Variants in GLIS1 observed in about 807,000 individuals in gnomAD.
GLIS1 encodes GLIS family zinc finger 1.
In GLIS1, 24 loss-of-function variants were observed where a neutral mutation model predicts 63.8. The observed-to-expected ratio is 0.38, with a 90% CI of 0.27 to 0.53. The LOEUF (loss-of-function observed/expected upper bound fraction) is 0.53. Ranked by LOEUF, GLIS1 falls within the 20% of genes least tolerant of loss-of-function variation. The pLI is 0.85. For synonymous variants in GLIS1, 450 were observed against 482.5 expected (o/e 0.93, Z 0.88); for missense variants, 1,036 against 1,074.1 (o/e 0.96, Z 0.50).
chr1:53,563,163 G>A (rs748682413), intron 4 of GLIS1, among the ~76,000 whole-genome samples: 6 of 152,258 alleles, frequency 3.9e-5, no homozygotes, highest in Non-Finnish European at 7.3e-5. Flanking sequence ...CCTCCAGTGT[G>A]TCCAGAGACA....
At chr1:53,590,446 G>A (rs1645178371) in intron 4 of GLIS1, among the ~76,000 whole-genome samples, 1 of 152,134 alleles carries the variant, frequency 6.6e-6, no homozygotes, top group Non-Finnish European at 1.5e-5. Flanking sequence ...CCAAGGTAGA[G>A]AAGGGCATTG....
At chr1:53,532,371 T>C (rs575683880) in intron 4 of GLIS1, among the ~76,000 whole-genome samples, 1 of 152,152 alleles carries the variant, frequency 6.6e-6, no homozygotes, top group African/African-American at 2.4e-5. Context: ...CGAGAGACAA[T>C]GATGGTTCCG....
intron 2 of GLIS1, among the ~76,000 whole-genome samples, chr1:53,614,428 C>A (rs915456462): frequency 6.6e-6 from 1 of 151,930 alleles, no homozygotes; most frequent in African/African-American, 2.4e-5. Flanking sequence ...CGTTCCAGGG[C>A]GGGAACACAG....
Position 53,594,804 on chromosome 1 carries a change from G to A in GLIS1, c.624C>T (p.Thr208=). Residue 208 remains threonine, a synonymous_variant, in exon 4 of 11, where the codon ACC becomes ACT. Coordinates refer to ENST00000628545, the MANE Select transcript of GLIS1 (RefSeq NM_001367484.1). ...DLDLPGRSLA[T]PAPSCYLLGS... Reference sequence around the variant, plus strand: ...CCAGAAGGTAGCAGGAAGGCGCAGGGGTGGCGAGGCTTCGGCCCGGGAGGT... The same window carrying A: ...CCAGAAGGTAGCAGGAAGGCGCAGGAGTGGCGAGGCTTCGGCCCGGGAGGT... 1.2e-6 allele frequency: 2 copies of A among 1,607,420 alleles called. No individual in the cohort carries two copies. The highest frequency in any genetic ancestry group is 8.5e-7 in the Non-Finnish European group (1 of 1,177,430).
chr1:53,550,421 G>T (rs1396466895), intron 4 of GLIS1, among the ~76,000 whole-genome samples: 1 of 152,232 alleles, frequency 6.6e-6, no homozygotes, highest in African/African-American at 2.4e-5. Flanking sequence ...GGTTAGACAT[G>T]ACAGTGCGTA....
intron 4 of GLIS1, among the ~76,000 whole-genome samples, chr1:53,538,611 GC>G (rs1644606404): frequency 6.6e-6 from 1 of 152,164 alleles, no homozygotes; most frequent in African/African-American, 2.4e-5. Flanking sequence ...TTCATAAGCA[GC>G]TGGCAGGCCA....
chr1:53,628,852 CG>C (rs1453671011), intron 2 of GLIS1, among the ~76,000 whole-genome samples: 1 of 152,092 alleles, frequency 6.6e-6, no homozygotes, highest in Admixed American at 6.5e-5. Flanking sequence ...GGGTGGCCAT[CG>C]GGGAAGGCTC....
chr1:53,584,046 C>T (rs184183256), intron 4 of GLIS1, among the ~76,000 whole-genome samples: 4 of 152,254 alleles, frequency 2.6e-5, no homozygotes, highest in South Asian at 4.2e-4. Flanking sequence ...GTGCATGGTC[C>T]GAGGCCGGTG....
At chr1:53,709,837 G>A (rs1385728436) in intron 2 of GLIS1, among the ~76,000 whole-genome samples, 1 of 152,204 alleles carries the variant, frequency 6.6e-6, no homozygotes, top group African/African-American at 2.4e-5. Context: ...AGATATGGAT[G>A]TTCACACAGA....
intron 4 of GLIS1, among the ~76,000 whole-genome samples, chr1:53,543,569 A>C (rs1293426250): frequency 6.6e-6 from 1 of 152,166 alleles, no homozygotes; most frequent in African/African-American, 2.4e-5. Flanking sequence ...TGGTCTATTG[A>C]TTTAGGAAAC....
At chr1:53,695,458 C>T (rs1646455077) in intron 2 of GLIS1, among the ~76,000 whole-genome samples, 1 of 152,232 alleles carries the variant, frequency 6.6e-6, no homozygotes. Context: ...ACTACGGCAG[C>T]GACTTGTCTG....
chr1:53,688,541 C>G (rs1224360899), intron 2 of GLIS1, among the ~76,000 whole-genome samples: 1 of 152,160 alleles, frequency 6.6e-6, no homozygotes, highest in African/African-American at 2.4e-5. Context: ...CCTGGTCTCC[C>G]GACTGGGAAC....
chr1:53,569,371 T>C (rs955387173), intron 4 of GLIS1, among the ~76,000 whole-genome samples: 3 of 152,196 alleles, frequency 2.0e-5, no homozygotes, highest in Admixed American at 6.5e-5. Flanking sequence ...GAGATGTTGA[T>C]AGCAGGGGAG....
chr1:53,725,277 A>G (rs1646794337), intron 2 of GLIS1, among the ~76,000 whole-genome samples: 1 of 152,192 alleles, frequency 6.6e-6, no homozygotes, highest in South Asian at 2.1e-4. Context: ...CTCTGTGTCC[A>G]CCAGTGTCCT....
intron 2 of GLIS1, among the ~76,000 whole-genome samples, chr1:53,666,051 A>G (rs958471654): frequency 6.6e-6 from 1 of 152,216 alleles, no homozygotes; most frequent in Non-Finnish European, 1.5e-5. Context: ...AGTGGGAGGT[A>G]GGAAGCATCA....
At chr1:53,518,052 C>G (rs1268798246) in intron 7 of GLIS1, among the ~76,000 whole-genome samples, 1 of 152,250 alleles carries the variant, frequency 6.6e-6, no homozygotes, top group Admixed American at 6.5e-5. Flanking sequence ...AGCGCTTAAC[C>G]TCTGGCCCTA....
At chr1:53,710,327 G>C (rs112918490) in intron 2 of GLIS1, among the ~76,000 whole-genome samples, 1 of 152,382 alleles carries the variant, frequency 6.6e-6, no homozygotes, top group East Asian at 1.9e-4. Context: ...ATAGCGTGGA[G>C]CCCCTGGGGG....
intron 2 of GLIS1, among the ~76,000 whole-genome samples, chr1:53,689,128 AG>A (rs1646373838): frequency 6.6e-6 from 1 of 152,246 alleles, no homozygotes; most frequent in African/African-American, 2.4e-5. Context: ...GCAGGTGAAG[AG>A]ACCAGCCCAA....
At chr1:53,544,111 AG>A (rs1351179460) in intron 4 of GLIS1, among the ~76,000 whole-genome samples, 1 of 152,252 alleles carries the variant, frequency 6.6e-6, no homozygotes, top group Non-Finnish European at 1.5e-5. Flanking sequence ...GCATTATGTC[AG>A]GAATAATATA....
Sources: gnomAD v4.1 joint callset for allele counts (sites outside exome capture counted in the v4.1 genomes callset) on GRCh38, gnomAD v4.1.1 for gene constraint, MANE v1.5 for transcripts, NCBI Gene and HGNC (gene_info 2026-07-23, HGNC 2026-07-21) for gene names.